Variants in MAGI2 observed in about 807,000 individuals in gnomAD.
MAGI2 encodes the protein membrane-associated guanylate kinase, WW and PDZ domain-containing protein 2.
MAGI2 carries 35 observed loss-of-function variants against 133.3 expected under a neutral mutation model. The observed-to-expected ratio is 0.26, with a 90% confidence interval of 0.20 to 0.35. The LOEUF is 0.35. Ranked by LOEUF, MAGI2 falls within the 10% of genes least tolerant of loss-of-function variation. The probability of loss-of-function intolerance (pLI) is 1.00; values close to 1 mark genes in which losing one functional copy is unlikely to be tolerated. For missense variants in MAGI2, 1,636 were observed against 1,863.4 expected, an observed-to-expected ratio of 0.88 and a Z score of 2.25; for synonymous variants, 729 against 710.6, an observed-to-expected ratio of 1.03 and a Z score of -0.41.
chr7:78,735,394 T>C lies in MAGI2; in HGVS notation c.419-108155A>G, dbSNP rs145663256. On this transcript the variant is annotated intron_variant, in intron 2 of 21. Coordinates refer to ENST00000354212, the MANE Select transcript of MAGI2 (RefSeq NM_012301.4). ...GGATACAACAACAGTAACAGCTAAC[T>C]GGACTATGAGATAGGAAAAAATAAA... Among the ~76,000 whole-genome samples the C allele has an allele frequency of 9.8e-5, 15 of 152,312 alleles. No homozygotes were observed. The East Asian group carries it at 2.9e-3, about 29-fold the overall frequency.
chr7:78,324,715 C>A (rs910618966), intron 9 of MAGI2, among the ~76,000 whole-genome samples: 1 of 152,114 alleles, frequency 6.6e-6, no homozygotes, highest in East Asian at 1.9e-4. Context: ...AATCCCAGCA[C>A]TTTGGGAGGC....
At chr7:78,069,330 G>A (rs574296386) in intron 21 of MAGI2, among the ~76,000 whole-genome samples, 2 of 152,138 alleles carry the variant, frequency 1.3e-5, no homozygotes, top group Non-Finnish European at 2.9e-5. Context: ...TCCCTGGAAT[G>A]ATATTAATAT....
At chr7:79,082,647 T>A (rs1485146896) in intron 1 of MAGI2, among the ~76,000 whole-genome samples, 1 of 152,094 alleles carries the variant, frequency 6.6e-6, no homozygotes, top group Non-Finnish European at 1.5e-5. Flanking sequence ...TAAGCTCTGC[T>A]ACTTTATTTT....
At chr7:78,778,904 C>CTTTT (rs71085566) in intron 2 of MAGI2, among the ~76,000 whole-genome samples, 3 of 118,452 alleles carry the variant, frequency 2.5e-5, no homozygotes, top group Non-Finnish European at 3.4e-5. Flanking sequence ...CCTTTTCAGC[C>CTTTT]TTTTTTTTTT....
chr7:78,740,812 G>A (rs1321724635), intron 2 of MAGI2, among the ~76,000 whole-genome samples: 3 of 152,124 alleles, frequency 2.0e-5, no homozygotes, highest in Admixed American at 2.0e-4. Flanking sequence ...AGCAAACAAA[G>A]AAAGCACCCC....
At chr7:79,185,803 T>G (rs1338692608) in intron 1 of MAGI2, among the ~76,000 whole-genome samples, 4 of 151,764 alleles carry the variant, frequency 2.6e-5, no homozygotes, top group African/African-American at 9.7e-5. Context: ...AAAATCCTGC[T>G]GATGGATGTC....
At chr7:78,708,865 TTTAAAGTACC>T (rs1563387416) in intron 2 of MAGI2, among the ~76,000 whole-genome samples, 1 of 151,808 alleles carries the variant, frequency 6.6e-6, no homozygotes, top group Non-Finnish European at 1.5e-5. Flanking sequence ...ATACTCATTT[TTTAAAGTACC>T]TTATAAGACA....
intron 11 of MAGI2, chr7:78,197,854 C>T (rs565375441): frequency 7.2e-5 from 11 of 152,580 alleles, no homozygotes; most frequent in African/African-American, 2.6e-4. Flanking sequence ...CCCAGAAGAC[C>T]ATGGGACAAA....
chr7:78,281,778 A>C lies in MAGI2; in HGVS notation c.1409-25197T>G, dbSNP rs147238552. 2.0e-3 allele frequency among the ~76,000 whole-genome samples: 211 copies of C among 103,530 alleles called. 1 individual carries two copies. Among genetic ancestry groups the C allele is most frequent in the East Asian group, 0.015 (42 of 2,880 alleles). The allele number at this position is 103,530 out of a possible 152,430, so 67.9% of individuals were successfully genotyped here. On this transcript the variant is annotated intron_variant, in intron 9 of 21. Coordinates refer to ENST00000354212, the MANE Select transcript of MAGI2 (RefSeq NM_012301.4). ...GGTGATATTTAACCAACTTATCTCC[A>C]TCAAGAGTTTTTTTGTTAAGTGTCT...
chr7:78,551,554 A>G (rs556213890), intron 3 of MAGI2, among the ~76,000 whole-genome samples: 1 of 152,352 alleles, frequency 6.6e-6, no homozygotes, highest in South Asian at 2.1e-4. Flanking sequence ...AAAGCCACAT[A>G]CATGAATAAT....
intron 9 of MAGI2, among the ~76,000 whole-genome samples, chr7:78,268,587 C>T (rs1794248279): frequency 1.3e-5 from 2 of 152,152 alleles, no homozygotes; most frequent in Middle Eastern, 3.4e-3. Context: ...CTGCCATACC[C>T]CTAGTGGGTT....
At chr7:78,588,112 T>C (rs117505363) in intron 3 of MAGI2, among the ~76,000 whole-genome samples, 244 of 152,294 alleles carry the variant, frequency 1.6e-3, no homozygotes, top group East Asian at 0.011. Flanking sequence ...AAATAAAACA[T>C]TGCTGAACAA....
chr7:79,419,403 A>G (rs1585911440), intron 1 of MAGI2, among the ~76,000 whole-genome samples: 1 of 152,220 alleles, frequency 6.6e-6, no homozygotes, highest in East Asian at 1.9e-4. Flanking sequence ...GAAAGACAGT[A>G]AGAAAAAGGA....
chr7:79,443,391 C>A (rs962182369), intron 1 of MAGI2, among the ~76,000 whole-genome samples: 1 of 150,678 alleles, frequency 6.6e-6, no homozygotes, highest in East Asian at 2.0e-4. Context: ...TGAAGAAAAG[C>A]AAAGCGAGAC....
At chr7:79,150,993 GTTTGT>G (rs549962926) in intron 1 of MAGI2, among the ~76,000 whole-genome samples, 1 of 151,816 alleles carries the variant, frequency 6.6e-6, no homozygotes, top group East Asian at 1.9e-4. Context: ...GTTTTTGTTT[GTTTGT>G]TTTGTTTTGT....
At chr7:79,438,264 G>C (rs17152506) in intron 1 of MAGI2, among the ~76,000 whole-genome samples, 1 of 151,924 alleles carries the variant, frequency 6.6e-6, no homozygotes, top group Non-Finnish European at 1.5e-5. Flanking sequence ...TCCACACACT[G>C]TGTTCTTTAA....
chr7:79,130,126 C>T (rs1178835266), intron 1 of MAGI2, among the ~76,000 whole-genome samples: 1 of 149,552 alleles, frequency 6.7e-6, no homozygotes, highest in Non-Finnish European at 1.5e-5. Flanking sequence ...AAAAGTGAGA[C>T]CCCCCTCACT....
At chr7:78,529,574 T>C (rs551960931) in intron 3 of MAGI2, among the ~76,000 whole-genome samples, 1 of 151,740 alleles carries the variant, frequency 6.6e-6, no homozygotes, top group Admixed American at 6.6e-5. Context: ...TAGCACTATC[T>C]AGTAAAAATG....
intron 1 of MAGI2, among the ~76,000 whole-genome samples, chr7:79,106,120 T>C (rs1255094571): frequency 3.9e-5 from 6 of 152,180 alleles, no homozygotes; most frequent in Admixed American, 3.9e-4. Context: ...TTAGGAATTA[T>C]ATACAGGAAC....
Sources: gnomAD v4.1 joint callset for allele counts (sites outside exome capture counted in the v4.1 genomes callset) on GRCh38, gnomAD v4.1.1 for gene constraint, MANE v1.5 for transcripts, NCBI Gene and HGNC (gene_info 2026-07-23, HGNC 2026-07-21) for gene names.